Variants in CACNA1D observed in about 807,000 individuals in gnomAD.
The protein encoded by CACNA1D is voltage-dependent L-type calcium channel subunit alpha-1D.
In CACNA1D, 55 loss-of-function variants were observed where a neutral mutation model predicts 257.1. That is an observed-to-expected ratio of 0.21 (90% confidence interval 0.17 to 0.27). The LOEUF (loss-of-function observed/expected upper bound fraction) is 0.27. Ranked by LOEUF, CACNA1D falls within the 10% of genes least tolerant of loss-of-function variation. The probability of loss-of-function intolerance (pLI) is 1.00; values close to 1 mark genes in which losing one functional copy is unlikely to be tolerated. For missense variants in CACNA1D, 1,876 were observed against 2,784.0 expected (o/e 0.67, Z 7.34); for synonymous variants, 980 against 1,014.9 (o/e 0.97, Z 0.65).
At chr3:53,695,041 A>G (rs1055856207) in intron 8 of CACNA1D, among the ~76,000 whole-genome samples, 3 of 152,084 alleles carry the variant, frequency 2.0e-5, no homozygotes, top group Admixed American at 2.0e-4. Context: ...TCGTGAACTC[A>G]CTCAGCACTT....
intron 3 of CACNA1D, among the ~76,000 whole-genome samples, chr3:53,571,814 G>T (rs2092950170): frequency 6.6e-6 from 1 of 152,300 alleles, no homozygotes; most frequent in South Asian, 2.1e-4. Flanking sequence ...CGTGTCCTGT[G>T]TGACGATGAC....
chr3:53,610,682 T>G (rs2093571921), intron 3 of CACNA1D, among the ~76,000 whole-genome samples: 1 of 152,234 alleles, frequency 6.6e-6, no homozygotes. Flanking sequence ...TTCTATTTTT[T>G]CCATCTATTT....
At chr3:53,620,411 C>T (rs1469613152) in intron 3 of CACNA1D, among the ~76,000 whole-genome samples, 1 of 152,214 alleles carries the variant, frequency 6.6e-6, no homozygotes, top group African/African-American at 2.4e-5. Flanking sequence ...CTGCCTCAGC[C>T]TGCCCAGTAG....
chr3:53,772,976 A>G, intron 33 of CACNA1D, 78 bp downstream of exon 33: 1 of 1,173,346 alleles, frequency 8.5e-7, no homozygotes, highest in Non-Finnish European at 1.3e-6. Flanking sequence ...ACCCTGACCA[A>G]GTGAAGTAGA....
chr3:53,649,824 C>G (rs1218097419), intron 3 of CACNA1D, among the ~76,000 whole-genome samples: 1 of 152,228 alleles, frequency 6.6e-6, no homozygotes, highest in African/African-American at 2.4e-5. Flanking sequence ...AGGAATGCCT[C>G]TTGCAAAGTT....
intron 14 of CACNA1D, among the ~76,000 whole-genome samples, chr3:53,724,965 T>A (rs767973227): frequency 5.3e-5 from 8 of 151,408 alleles, no homozygotes; most frequent in Non-Finnish European, 1.0e-4. Flanking sequence ...GATCAGTGAT[T>A]CTTTTTTAAA....
At chr3:53,769,700 C>A (rs2095355889) in intron 30 of CACNA1D, among the ~76,000 whole-genome samples, 1 of 152,220 alleles carries the variant, frequency 6.6e-6, no homozygotes. Flanking sequence ...CTGTTGAGGT[C>A]TTGCAGCACT....
rs775203117 is a variant in CACNA1D, at chr3:53,673,731, T to A, written c.1220+605T>A. The A allele has an allele frequency of 6.2e-7, 1 of 1,613,040 alleles. No homozygotes were observed. Among genetic ancestry groups the A allele is most frequent in the Non-Finnish European group, 8.5e-7 (1 of 1,179,040 alleles). On this transcript the variant is annotated intron_variant, in intron 8 of 47. Coordinates refer to ENST00000350061, the MANE Select transcript of CACNA1D (RefSeq NM_001128840.3). The surrounding 1 kb of genome is among the most constrained non-coding windows in gnomAD (Gnocchi z 4.1). ...TTTACAGGTAAATGATGCGATAGGA[T>A]GGGAATGGCCATGGGTGTATTTTGT...
chr3:53,546,950 A>G (rs969584975), intron 3 of CACNA1D, among the ~76,000 whole-genome samples: 2 of 152,190 alleles, frequency 1.3e-5, no homozygotes, highest in Non-Finnish European at 1.5e-5. Context: ...TTTGTAGTAA[A>G]TTGTATTATT....
At position 53,499,286 on chromosome 3, in the gene CACNA1D, A is replaced by G. The variant is rs186487788; in HGVS notation, c.377+1825A>G. ...TGTTTACAAATGGGACAGTTTGTAA[A>G]ATAGATAGACCCTTAAGCAATATAT... On this transcript the variant is annotated intron_variant, in intron 2 of 47. Transcript: ENST00000350061. Among the ~76,000 whole-genome samples the G allele has an allele frequency of 2.4e-4, 36 of 152,298 alleles. No individual in the cohort carries two copies. In the East Asian group the frequency reaches 6.8e-3, roughly 29 times the overall value.
intron 3 of CACNA1D, among the ~76,000 whole-genome samples, chr3:53,516,047 C>A (rs1248594680): frequency 6.6e-6 from 1 of 152,168 alleles, no homozygotes; most frequent in Non-Finnish European, 1.5e-5. Context: ...GATCTCACCT[C>A]CCTTGGTCTG....
chr3:53,574,289 C>T (rs1166447122), intron 3 of CACNA1D, among the ~76,000 whole-genome samples: 1 of 152,182 alleles, frequency 6.6e-6, no homozygotes, highest in Non-Finnish European at 1.5e-5. Flanking sequence ...ATATTTCCAG[C>T]TCATGGGATG....
intron 4 of CACNA1D, among the ~76,000 whole-genome samples, chr3:53,656,515 AGT>A (rs1399380726): frequency 6.6e-6 from 1 of 152,200 alleles, no homozygotes; most frequent in African/African-American, 2.4e-5. Context: ...TTATGACCTC[AGT>A]GTAGCCAGAG....
chr3:53,733,506 G>A (rs888612354), intron 19 of CACNA1D, among the ~76,000 whole-genome samples: 1 of 152,184 alleles, frequency 6.6e-6, no homozygotes. Flanking sequence ...TTTATGGGTT[G>A]TAAGTATTCA....
At chr3:53,593,265 A>C (rs1191165078) in intron 3 of CACNA1D, among the ~76,000 whole-genome samples, 1 of 152,220 alleles carries the variant, frequency 6.6e-6, no homozygotes, top group Non-Finnish European at 1.5e-5. Context: ...TTTATGAGAC[A>C]GTGTAATGAT....
chr3:53,791,090 T>G, intron 40 of CACNA1D: 1 of 698,648 alleles, frequency 1.4e-6, no homozygotes, highest in Non-Finnish European at 2.6e-6. Context: ...CAAGTGGGCT[T>G]ATTTCTACTG....
intron 3 of CACNA1D, among the ~76,000 whole-genome samples, chr3:53,647,057 C>T (rs572826494): frequency 6.6e-6 from 1 of 151,806 alleles, no homozygotes; most frequent in South Asian, 2.1e-4. Context: ...AAAGAAGACA[C>T]ATCAGGTTTT....
At position 53,810,222 on chromosome 3, in the gene CACNA1D, C is replaced by G. The variant is rs2095589542; in HGVS notation, c.6116C>G (p.Ala2039Gly). 1 of 1,613,894 alleles carries G rather than the reference C, an allele frequency of 6.2e-7. No homozygotes were observed. Among genetic ancestry groups the G allele is most frequent in the Admixed American group, 1.7e-5 (1 of 60,000 alleles). The change falls in exon 47 of 48, where the codon GCC (alanine) becomes GGC (glycine). Residue 2039 changes from alanine to glycine, a missense_variant. Physicochemically the swap from Ala to Gly is moderately conservative, Grantham distance 60 (BLOSUM62 0). Transcript: ENST00000350061. ...PDISYRTFTP[A>G]SLTVPSSFRN... Reference sequence around the variant, plus strand: ...ATCTCCTACCGGACTTTCACACCAGCCAGCCTGACTGTCCCCAGCAGCTTC... The same window carrying G: ...ATCTCCTACCGGACTTTCACACCAGGCAGCCTGACTGTCCCCAGCAGCTTC...
intron 45 of CACNA1D, among the ~76,000 whole-genome samples, chr3:53,807,136 G>A (rs1230866055): frequency 6.6e-6 from 1 of 151,676 alleles, no homozygotes; most frequent in Non-Finnish European, 1.5e-5. Flanking sequence ...GTGTTGTGCA[G>A]AGCACATGAG....
Sources: allele counts gnomAD v4.1 joint callset (sites outside exome capture counted in the v4.1 genomes callset), GRCh38; gene constraint gnomAD v4.1.1; non-coding constraint Gnocchi (gnomAD v3.1); transcripts MANE v1.5; gene names NCBI Gene and HGNC (gene_info 2026-07-23, HGNC 2026-07-21).